The following CYP2C19 variants were observed in gnomAD, a reference collection of about 807,000 sequenced individuals.
CYP2C19 encodes cytochrome P450 family 2 subfamily C member 19.
In CYP2C19, 59 loss-of-function variants were observed where a neutral mutation model predicts 40.9. The observed-to-expected ratio is 1.44, with a 90% CI of 1.17 to 1.79. The LOEUF (loss-of-function observed/expected upper bound fraction) is 1.79, where lower values mean the gene tolerates loss of function less well. Ranked by LOEUF, CYP2C19 falls within the 40% of genes most tolerant of loss-of-function variation. The pLI, the probability that CYP2C19 is intolerant of heterozygous loss-of-function variation, is 0.00. For missense variants in CYP2C19, 754 were observed against 596.9 expected (o/e 1.26, Z -2.74); for synonymous variants, 253 against 208.7 (o/e 1.21, Z -1.83).
At chr10:94,839,973 C>A (rs1241575280) in intron 6 of CYP2C19, among the ~76,000 whole-genome samples, 1 of 152,014 alleles carries the variant, frequency 6.6e-6, no homozygotes, top group Non-Finnish European at 1.5e-5. Context: ...TAGTGAGCTA[C>A]CTTTTTGCTT....
At chr10:94,795,710 A>G (rs945970379) in intron 5 of CYP2C19, among the ~76,000 whole-genome samples, 3 of 152,092 alleles carry the variant, frequency 2.0e-5, no homozygotes, top group African/African-American at 7.2e-5. Context: ...CTGGTGTGAG[A>G]TGGTATCTCA....
At chr10:94,795,018 T>C (rs1452706780) in intron 5 of CYP2C19, among the ~76,000 whole-genome samples, 1 of 151,764 alleles carries the variant, frequency 6.6e-6, no homozygotes, top group Non-Finnish European at 1.5e-5. Context: ...TATATATATT[T>C]TTATACTTTA....
At chr10:94,771,131 G>A (rs1848324211) in intron 1 of CYP2C19, among the ~76,000 whole-genome samples, 1 of 151,552 alleles carries the variant, frequency 6.6e-6, no homozygotes, top group African/African-American at 2.4e-5. Context: ...TTGATCTGCT[G>A]TAAATCAGAG....
intron 6 of CYP2C19, among the ~76,000 whole-genome samples, chr10:94,827,512 C>T (rs1049308082): frequency 6.6e-6 from 1 of 151,836 alleles, no homozygotes; most frequent in African/African-American, 2.4e-5. Context: ...GGTGATATCC[C>T]CTTTATCGTT....
intron 6 of CYP2C19, among the ~76,000 whole-genome samples, chr10:94,827,925 A>C (rs866676454): frequency 0.012 from 1,828 of 151,742 alleles, 53 homozygotes; most frequent in African/African-American, 0.042. Flanking sequence ...TTATGTACCC[A>C]GTAGTCATTC....
chr10:94,811,480 G>A (rs190447601), intron 5 of CYP2C19, among the ~76,000 whole-genome samples: 59 of 152,180 alleles, frequency 3.9e-4, no homozygotes, highest in African/African-American at 1.3e-3. Flanking sequence ...TGACAGTGGG[G>A]TGTTAAAGCC....
At chr10:94,788,518 G>A (rs1424132576) in intron 5 of CYP2C19, among the ~76,000 whole-genome samples, 1 of 151,930 alleles carries the variant, frequency 6.6e-6, no homozygotes, top group South Asian at 2.1e-4. Flanking sequence ...CCTACATGAG[G>A]TATTTCTCCT....
chr10:94,852,669 C>A, intron 8 of CYP2C19, 64 bp from the exon 9 acceptor site: 1 of 1,548,120 alleles, frequency 6.5e-7, no homozygotes. Context: ...GTTATAGAGA[C>A]AGTGTTTGTC....
intron 7 of CYP2C19, among the ~76,000 whole-genome samples, chr10:94,848,515 G>T (rs1343495874): frequency 1.3e-5 from 2 of 151,842 alleles, no homozygotes; most frequent in African/African-American, 2.4e-5. Context: ...GTAGTGTGAT[G>T]CCTCCAGCTT....
At chr10:94,827,238 T>C (rs1175846094) in intron 6 of CYP2C19, among the ~76,000 whole-genome samples, 1 of 152,052 alleles carries the variant, frequency 6.6e-6, no homozygotes, top group Non-Finnish European at 1.5e-5. Flanking sequence ...GAAGGAATGG[T>C]ACCAGTTCCT....
chr10:94,810,656 T>A (rs1848907005), intron 5 of CYP2C19, among the ~76,000 whole-genome samples: 1 of 152,222 alleles, frequency 6.6e-6, no homozygotes, highest in African/African-American at 2.4e-5. Flanking sequence ...TCTTCTAGAT[T>A]TTCTAGTTTA....
intron 5 of CYP2C19, among the ~76,000 whole-genome samples, chr10:94,784,106 G>C (rs1253608248): frequency 1.3e-5 from 2 of 151,966 alleles, no homozygotes; most frequent in Non-Finnish European, 2.9e-5. Context: ...TCTTTTTTCT[G>C]TCTCTATGGG....
At chr10:94,825,895 C>A (rs1201945444) in intron 6 of CYP2C19, among the ~76,000 whole-genome samples, 1 of 151,734 alleles carries the variant, frequency 6.6e-6, no homozygotes, top group Non-Finnish European at 1.5e-5. Context: ...GCTTTCCCAG[C>A]ACCATTTATT....
chr10:94,842,299 TATA>T (rs574596964), intron 6 of CYP2C19, among the ~76,000 whole-genome samples: 19 of 152,220 alleles, frequency 1.2e-4, no homozygotes, highest in African/African-American at 2.6e-4. Context: ...CTGCTTTAAA[TATA>T]ATAACTCTTC....
At chr10:94,800,060 TA>T (rs1490907808) in intron 5 of CYP2C19, among the ~76,000 whole-genome samples, 48 of 152,220 alleles carry the variant, frequency 3.2e-4, no homozygotes, top group African/African-American at 1.2e-3. Flanking sequence ...TGAGGAGCTG[TA>T]ATCCCTTGAG....
intron 5 of CYP2C19, among the ~76,000 whole-genome samples, chr10:94,785,411 T>C (rs1432157195): frequency 1.3e-5 from 2 of 152,156 alleles, no homozygotes; most frequent in Non-Finnish European, 2.9e-5. Context: ...CACCATTTGT[T>C]GAAGAGATTC....
intron 6 of CYP2C19, among the ~76,000 whole-genome samples, chr10:94,826,335 G>T (rs1849221082): frequency 6.6e-6 from 1 of 152,012 alleles, no homozygotes; most frequent in Admixed American, 6.5e-5. Flanking sequence ...TTATTTCCTT[G>T]ATCAGTGGTT....
intron 7 of CYP2C19, among the ~76,000 whole-genome samples, chr10:94,847,201 A>G (rs1253378728): frequency 4.6e-5 from 7 of 152,100 alleles, no homozygotes; most frequent in African/African-American, 1.7e-4. Context: ...AGCATTAGGT[A>G]TATCTCCTAA....
intron 5 of CYP2C19, among the ~76,000 whole-genome samples, chr10:94,805,039 G>A (rs1848815119): frequency 6.6e-6 from 1 of 151,958 alleles, no homozygotes; most frequent in Non-Finnish European, 1.5e-5. Flanking sequence ...ATTTGGATGT[G>A]TTTTATTTCA....
Sources: allele counts gnomAD v4.1 joint callset (sites outside exome capture counted in the v4.1 genomes callset), GRCh38; gene constraint gnomAD v4.1.1; transcripts MANE v1.5; gene names NCBI Gene and HGNC (gene_info 2026-07-23, HGNC 2026-07-21).